Variants in GATB observed in about 807,000 individuals in gnomAD.
GATB encodes glutamyl-tRNA amidotransferase subunit B, also known as glutamyl-tRNA(Gln) amidotransferase subunit B, mitochondrial.
Under a neutral mutation model 62.3 loss-of-function variants are expected in GATB, and 39 were observed. The observed-to-expected ratio is 0.63, with a 90% CI of 0.48 to 0.82. The LOEUF is 0.82. Ranked by LOEUF, GATB falls within the 40% of genes least tolerant of loss-of-function variation. GATB has a pLI of 0.00. For missense variants in GATB, 670 were observed against 684.0 expected (o/e 0.98, Z 0.23); for synonymous variants, 276 against 258.9 (o/e 1.07, Z -0.63).
At chr4:151,696,874 C>T (rs1038972843) in intron 9 of GATB, among the ~76,000 whole-genome samples, 1 of 152,210 alleles carries the variant, frequency 6.6e-6, no homozygotes, top group East Asian at 1.9e-4. Context: ...ATAATAACTA[C>T]TACTGATATA....
rs115560534 is a variant in GATB at position 151,714,126 on chromosome 4, G to A, written c.763+1883C>T. ...AATACTTTGGGCATCTCCACAACAG[G>A]GGCAAAAGGCTGTCCACTGAGAATG... On this transcript the variant is annotated intron_variant, in intron 5 of 12. Transcript: ENST00000263985. 6.4e-3 allele frequency among the ~76,000 whole-genome samples: 969 copies of A among 152,266 alleles called. 5 individuals are homozygous for A. The highest frequency in any genetic ancestry group is 7.9e-3 in the Non-Finnish European group (536 of 68,010).
rs17027815 is a variant in GATB at position 151,705,325 on chromosome 4, A to G, written c.878-56T>C. 5.4e-3 allele frequency: 5,943 copies of G among 1,100,676 alleles called. 202 individuals carry two copies. In the African/African-American group the frequency reaches 0.078, roughly 14 times the overall value. The allele number at this position is 1,100,676 out of a possible 1,614,324, so 68.2% of individuals were successfully genotyped here. A position where few individuals can be genotyped will look rare whatever the true frequency, so the allele number is the denominator to read the frequency against. On this transcript the variant is annotated intron_variant, in intron 6 of 12. Coordinates refer to ENST00000263985, the MANE Select transcript of GATB (RefSeq NM_004564.3). ...TTTTGATTATACCTTTCATCCAGTC[A>G]AGCAATAATTAGAAACAACCTTTCT...
chr4:151,729,952 T>C (rs935649862), intron 2 of GATB, among the ~76,000 whole-genome samples: 1 of 152,156 alleles, frequency 6.6e-6, no homozygotes, highest in Non-Finnish European at 1.5e-5. Flanking sequence ...CCAGATCAGC[T>C]GCAAGAGCAG....
chr4:151,746,811 G>A (rs1280531576), intron 2 of GATB, among the ~76,000 whole-genome samples: 2 of 152,214 alleles, frequency 1.3e-5, no homozygotes, highest in Non-Finnish European at 2.9e-5. Context: ...GGAACAGGGA[G>A]ATGGAGGCAG....
intron 11 of GATB, chr4:151,677,996 GT>G (rs1738044333): frequency 6.6e-6 from 1 of 151,914 alleles, no homozygotes; most frequent in Admixed American, 6.5e-5. Context: ...TTTCAAGGTG[GT>G]AGAACCTGAG....
At chr4:151,718,015 C>T (rs1464059133) in intron 3 of GATB, among the ~76,000 whole-genome samples, 1 of 152,206 alleles carries the variant, frequency 6.6e-6, no homozygotes, top group Admixed American at 6.5e-5. Flanking sequence ...AAATCCGTGT[C>T]TTTCACCACT....
intron 11 of GATB, 25 bp from the exon 12 acceptor site, chr4:151,672,921 AAG>A (rs756824497): frequency 3.1e-6 from 5 of 1,612,774 alleles, no homozygotes; most frequent in Admixed American, 3.3e-5. Context: ...AGGGAGAGGA[AAG>A]AGAAATGAGA....
chr4:151,693,805 T>G (rs545722054), intron 9 of GATB, among the ~76,000 whole-genome samples: 6 of 152,306 alleles, frequency 3.9e-5, no homozygotes, highest in African/African-American at 1.4e-4. Context: ...TGAGTTCAAC[T>G]CAGGCACCAG....
At chr4:151,711,426 T>C (rs1254581579) in intron 5 of GATB, among the ~76,000 whole-genome samples, 1 of 152,220 alleles carries the variant, frequency 6.6e-6, no homozygotes, top group Non-Finnish European at 1.5e-5. Flanking sequence ...CTGCTCCTTC[T>C]GCTTCTGGCA....
chr4:151,690,659 G>T (rs1043416791), intron 9 of GATB, among the ~76,000 whole-genome samples: 2 of 152,200 alleles, frequency 1.3e-5, no homozygotes, highest in East Asian at 3.8e-4. Context: ...CACAGGCTTG[G>T]CTGAGTTGCT....
At chr4:151,758,980 C>A in intron 1 of GATB, 58 bp from the exon 2 acceptor site, 1 of 1,274,042 alleles carries the variant, frequency 7.8e-7, no homozygotes, top group Admixed American at 2.3e-5. Context: ...GAATGAATTT[C>A]TATAAGTCTA....
intron 5 of GATB, among the ~76,000 whole-genome samples, chr4:151,711,833 G>A (rs1332179952): frequency 6.6e-6 from 1 of 152,168 alleles, no homozygotes; most frequent in African/African-American, 2.4e-5. Context: ...ATGCCAGAAC[G>A]CTGGCATTTT....
intron 2 of GATB, among the ~76,000 whole-genome samples, chr4:151,758,537 G>A (rs573511379): frequency 3.8e-4 from 58 of 152,256 alleles, no homozygotes; most frequent in Middle Eastern, 6.8e-3. Flanking sequence ...GGTATTAGTA[G>A]ACATGCTAAA....
At chr4:151,732,750 T>C (rs1376128119) in intron 2 of GATB, among the ~76,000 whole-genome samples, 4 of 149,814 alleles carry the variant, frequency 2.7e-5, no homozygotes, top group Non-Finnish European at 5.9e-5. Flanking sequence ...ATAATTTTAA[T>C]GAGAAAAATT....
intron 2 of GATB, among the ~76,000 whole-genome samples, chr4:151,728,392 C>G (rs1023457210): frequency 6.6e-6 from 1 of 152,198 alleles, no homozygotes; most frequent in South Asian, 2.1e-4. Context: ...TGTAAAAACA[C>G]AAAACCAAAC....
At chr4:151,688,845 T>A in intron 9 of GATB, 82 bp from the exon 10 acceptor site, 1 of 1,395,788 alleles carries the variant, frequency 7.2e-7, no homozygotes, top group Non-Finnish European at 9.6e-7. Context: ...TCTGAAACTG[T>A]CCCCTCTGCC....
At chr4:151,705,382 G>T in intron 6 of GATB, 113 bp from the exon 7 acceptor site, 1 of 659,400 alleles carries the variant, frequency 1.5e-6, no homozygotes, top group Non-Finnish European at 2.6e-6. Context: ...AAAAAATCAA[G>T]AAGATTGTTT....
intron 2 of GATB, among the ~76,000 whole-genome samples, chr4:151,742,307 C>G (rs1739507372): frequency 6.6e-6 from 1 of 152,236 alleles, no homozygotes; most frequent in East Asian, 1.9e-4. Context: ...CCAGGATGGT[C>G]TCGATCTCCT....
chr4:151,733,556 A>T (rs1739310373), intron 2 of GATB, among the ~76,000 whole-genome samples: 1 of 152,212 alleles, frequency 6.6e-6, no homozygotes, highest in South Asian at 2.1e-4. Flanking sequence ...ATTGGTATCA[A>T]TCCTTTTGAC....
Sources: allele counts gnomAD v4.1 joint callset (sites outside exome capture counted in the v4.1 genomes callset), GRCh38; gene constraint gnomAD v4.1.1; transcripts MANE v1.5; gene names NCBI Gene and HGNC (gene_info 2026-07-23, HGNC 2026-07-21).